The following TSPAN9 variants were observed in gnomAD, a reference collection of about 807,000 sequenced individuals.
TSPAN9 encodes tetraspanin-9.
Under a neutral mutation model 31.0 loss-of-function variants are expected in TSPAN9, and 16 were observed. The ratio of observed to expected loss-of-function variants is 0.52; its 90% CI spans 0.35 to 0.78. The LOEUF is 0.78. Among genes scored for constraint, TSPAN9 ranks in the 30% least tolerant of loss-of-function variants. The pLI is 0.01. For synonymous variants in TSPAN9, 145 were observed against 121.6 expected (o/e 1.19, Z -1.27); for missense variants, 272 against 312.5 (o/e 0.87, Z 0.98).
chr12:3,132,468 G>A (rs888785998), intron 2 of TSPAN9, among the ~76,000 whole-genome samples: 11 of 151,768 alleles, frequency 7.2e-5, no homozygotes, highest in Non-Finnish European at 1.6e-4. Flanking sequence ...GGCCATCCTA[G>A]ATGTGAAGTG....
intron 3 of TSPAN9, among the ~76,000 whole-genome samples, chr12:3,274,682 G>C (rs1056922964): frequency 1.3e-5 from 2 of 152,230 alleles, no homozygotes; most frequent in African/African-American, 4.8e-5. Flanking sequence ...AAATCGAGGC[G>C]TGACCTTTGT....
intron 3 of TSPAN9, among the ~76,000 whole-genome samples, chr12:3,219,298 T>C (rs2098383044): frequency 6.6e-6 from 1 of 152,124 alleles, no homozygotes; most frequent in Non-Finnish European, 1.5e-5. Context: ...GGTTGTTGAG[T>C]GGGATGCACA....
chr12:3,278,043 G>A (rs1283867382), intron 3 of TSPAN9, among the ~76,000 whole-genome samples: 2 of 152,188 alleles, frequency 1.3e-5, no homozygotes, highest in Admixed American at 6.5e-5. Context: ...CCAGGCCTCC[G>A]TCTTGGACAC....
intron 2 of TSPAN9, among the ~76,000 whole-genome samples, chr12:3,086,380 C>T (rs2153962250): frequency 6.6e-6 from 1 of 151,680 alleles, no homozygotes; most frequent in South Asian, 2.1e-4. Flanking sequence ...CTTTGATTTA[C>T]CACACCCCTT....
chr12:3,211,767 G>A lies in TSPAN9; in HGVS notation c.63+10511G>A, dbSNP rs889855066. On this transcript the variant is annotated intron_variant, in intron 3 of 8. Coordinates refer to ENST00000011898, the MANE Select transcript of TSPAN9 (RefSeq NM_006675.5). Reference sequence around the variant, plus strand: ...CAGCCAACACACAAAACTACTGTTTGTGCATGGCTAAAGACCGTGGTGATT... The same window carrying A: ...CAGCCAACACACAAAACTACTGTTTATGCATGGCTAAAGACCGTGGTGATT... 6.3e-6 allele frequency: 10 copies of A among 1,597,540 alleles called. No homozygotes were observed. The African/African-American group carries it at 1.2e-4, about 19-fold the overall frequency.
At chr12:3,160,797 A>G (rs1419340413) in intron 2 of TSPAN9, among the ~76,000 whole-genome samples, 1 of 152,132 alleles carries the variant, frequency 6.6e-6, no homozygotes, top group Non-Finnish European at 1.5e-5. Context: ...TTGTCTTTTT[A>G]TTATTCAGTT....
chr12:3,094,748 T>C (rs1224373448), intron 2 of TSPAN9, among the ~76,000 whole-genome samples: 1 of 151,588 alleles, frequency 6.6e-6, no homozygotes, highest in East Asian at 1.9e-4. Context: ...TTGGTCAGGC[T>C]GGTCTCGAAC....
intron 3 of TSPAN9, among the ~76,000 whole-genome samples, chr12:3,277,273 C>G (rs1862806074): frequency 1.3e-5 from 2 of 152,242 alleles, no homozygotes; most frequent in Non-Finnish European, 2.9e-5. Flanking sequence ...TTTCACCCGG[C>G]ATAGAATGTT....
rs147946820 is a variant in TSPAN9 at position 3,278,558 on chromosome 12, G to A, written c.201G>A (p.Thr67=). 5 of 1,614,132 alleles carry A rather than the reference G, an allele frequency of 3.1e-6. No individual in the cohort carries two copies. The highest frequency in any genetic ancestry group is 1.3e-5 in the African/African-American group (1 of 75,036). ...CCATAGGCACCATTGTCATGGTGAC[G>A]GGCTTCCTCGGCTGCCTGGGGGCCA... The part of the protein sequence containing the change: ...VIAIGTIVMV[T]GFLGCLGAIK... Residue 67 remains threonine (T), a synonymous_variant, in exon 4 of 9, where the codon ACG becomes ACA. Coordinates refer to ENST00000011898, the MANE Select transcript of TSPAN9 (RefSeq NM_006675.5).
intron 3 of TSPAN9, among the ~76,000 whole-genome samples, chr12:3,276,921 G>A (rs1862800034): frequency 6.6e-6 from 1 of 152,130 alleles, no homozygotes; most frequent in African/African-American, 2.4e-5. Context: ...TCCCTACCCT[G>A]CCTAATTGCG....
At chr12:3,224,394 G>C (rs890257132) in intron 3 of TSPAN9, among the ~76,000 whole-genome samples, 1 of 152,380 alleles carries the variant, frequency 6.6e-6, no homozygotes, top group East Asian at 1.9e-4. Context: ...GCGTCAGAGA[G>C]GGGAGAGCAG....
chr12:3,145,831 G>A (rs1267374348), intron 2 of TSPAN9, among the ~76,000 whole-genome samples: 1 of 152,246 alleles, frequency 6.6e-6, no homozygotes, highest in African/African-American at 2.4e-5. Flanking sequence ...AAGGCCTGGC[G>A]TGGTGGCCAG....
intron 2 of TSPAN9, among the ~76,000 whole-genome samples, chr12:3,177,486 A>G (rs2098356414): frequency 6.7e-6 from 1 of 150,216 alleles, no homozygotes; most frequent in South Asian, 2.1e-4. Context: ...AGGCTGGAGC[A>G]CAGTGGCTCA....
chr12:3,281,072 C>T, intron 6 of TSPAN9, 126 bp from the exon 7 acceptor site: 1 of 1,453,536 alleles, frequency 6.9e-7, no homozygotes, highest in Non-Finnish European at 9.2e-7. Context: ...AGCCCTTTGT[C>T]TCCTCCCTTA....
At chr12:3,124,297 C>T (rs117452006) in intron 2 of TSPAN9, among the ~76,000 whole-genome samples, 3,491 of 152,276 alleles carry the variant, frequency 0.023, 53 homozygotes, top group Non-Finnish European at 0.036. Context: ...TAGAAACATT[C>T]ATTCATAATT....
chr12:3,270,605 CAACAGGG>C (rs1310180657), intron 3 of TSPAN9, among the ~76,000 whole-genome samples: 1 of 152,250 alleles, frequency 6.6e-6, no homozygotes, highest in African/African-American at 2.4e-5. Flanking sequence ...GGTAGCACTT[CAACAGGG>C]CCAACCCTGC....
At chr12:3,203,827 G>A (rs759947380) in intron 3 of TSPAN9, among the ~76,000 whole-genome samples, 6 of 152,224 alleles carry the variant, frequency 3.9e-5, no homozygotes, top group African/African-American at 9.6e-5. Context: ...GGAGGTGGAG[G>A]AGCAGGTGCA....
intron 2 of TSPAN9, among the ~76,000 whole-genome samples, chr12:3,154,370 C>T (rs1445406446): frequency 6.6e-6 from 1 of 152,200 alleles, no homozygotes; most frequent in Non-Finnish European, 1.5e-5. Flanking sequence ...GCGTATGTTG[C>T]TTCACTCATT....
At chr12:3,109,688 C>T (rs974930623) in intron 2 of TSPAN9, among the ~76,000 whole-genome samples, 1 of 151,376 alleles carries the variant, frequency 6.6e-6, no homozygotes, top group Non-Finnish European at 1.5e-5. Flanking sequence ...ATCCCAGCTA[C>T]TCAGGAGGCT....
Sources: allele counts gnomAD v4.1 joint callset (sites outside exome capture counted in the v4.1 genomes callset), GRCh38; gene constraint gnomAD v4.1.1; transcripts MANE v1.5; gene names NCBI Gene and HGNC (gene_info 2026-07-23, HGNC 2026-07-21).